Variants in GTF3C1 observed in about 807,000 individuals in gnomAD.
GTF3C1 encodes the protein general transcription factor IIIC subunit 1.
GTF3C1 carries 57 observed loss-of-function variants against 226.7 expected under a neutral mutation model. The observed-to-expected ratio is 0.25, with a 90% CI of 0.20 to 0.31. GTF3C1 has a LOEUF of 0.31. Among genes scored for constraint, GTF3C1 ranks in the 10% least tolerant of loss-of-function variants. GTF3C1 has a pLI of 1.00. For synonymous variants in GTF3C1, 1,090 were observed against 1,084.8 expected, an observed-to-expected ratio of 1.00 and a Z score of -0.09; for missense variants, 2,217 against 2,776.1, an observed-to-expected ratio of 0.80 and a Z score of 4.53.
Position 27,489,652 on chromosome 16 carries a change from G to A in GTF3C1, c.3243C>T (p.Ala1081=). The A allele has an allele frequency of 6.2e-7, 1 of 1,611,572 alleles. No homozygotes were observed. Among genetic ancestry groups the A allele is most frequent in the Non-Finnish European group, 8.5e-7 (1 of 1,179,354 alleles). The change falls in exon 20 of 37, where the codon GCC becomes GCT. Residue 1081 remains alanine (A), a synonymous_variant. Coordinates refer to ENST00000356183, the MANE Select transcript of GTF3C1 (RefSeq NM_001520.4). ...EGSLQKEQES[A]MDKHNLERKC... is the part of the protein sequence containing the mutation. ...TGCGCTCCAGGTTGTGCTTGTCCAT[G>A]GCGCTCTCCTGCTCCTTCTGCAGGC...
At chr16:27,485,786 T>C (rs2088129418) in intron 24 of GTF3C1, among the ~76,000 whole-genome samples, 1 of 152,216 alleles carries the variant, frequency 6.6e-6, no homozygotes, top group African/African-American at 2.4e-5. Flanking sequence ...CAGTGAGCTG[T>C]GATCGTGCCA....
chr16:27,538,969 TATACACACAC>T (rs1182088985), intron 2 of GTF3C1, among the ~76,000 whole-genome samples: 2 of 128,850 alleles, frequency 1.6e-5, no homozygotes, highest in Non-Finnish European at 3.2e-5. Context: ...TATACACACA[TATACACACAC>T]ACACACACAC....
intron 6 of GTF3C1, among the ~76,000 whole-genome samples, chr16:27,527,076 G>A (rs1444643942): frequency 6.6e-6 from 1 of 152,206 alleles, no homozygotes; most frequent in African/African-American, 2.4e-5. Flanking sequence ...GCATGGTAGG[G>A]TTTGCCTGTA....
At chr16:27,487,390 A>T (rs1243171538) in intron 23 of GTF3C1, among the ~76,000 whole-genome samples, 2 of 152,238 alleles carry the variant, frequency 1.3e-5, no homozygotes, top group Admixed American at 6.5e-5. Flanking sequence ...AAGTGGTCTA[A>T]AAACTAGACA....
At chr16:27,487,650 G>A (rs903682344) in intron 23 of GTF3C1, among the ~76,000 whole-genome samples, 6 of 152,112 alleles carry the variant, frequency 3.9e-5, no homozygotes, top group Non-Finnish European at 7.3e-5. Flanking sequence ...AAAATTAACC[G>A]GGTGTGGTGG....
rs780498072 is a variant in GTF3C1 at position 27,488,179 on chromosome 16, G to A, written c.3700+48C>T. 3.2e-6 allele frequency: 5 copies of A among 1,548,760 alleles called. No individual in the cohort carries two copies. The South Asian group carries it at 5.9e-5, about 18-fold the overall frequency. ...GAGTGAGGCTGTCGCACATCTCCAA[G>A]CCAAAACAAAGACAAGGCCCAGTAA... On this transcript the variant is annotated intron_variant, in intron 23 of 36. Coordinates refer to ENST00000356183, the MANE Select transcript of GTF3C1 (RefSeq NM_001520.4).
chr16:27,545,538 ACAAATAT>A lies in GTF3C1; in HGVS notation c.222-22_222-16del. 1 of 1,468,588 alleles carries A rather than the reference ACAAATAT, an allele frequency of 6.8e-7. No individual in the cohort carries two copies. Among genetic ancestry groups the A allele is most frequent in the East Asian group, 2.3e-5 (1 of 44,166 alleles). The allele number at this position is 1,468,588 out of a possible 1,614,324, so 91.0% of individuals were successfully genotyped here. A position where few individuals can be genotyped will look rare whatever the true frequency, so the allele number is the denominator to read the frequency against. On this transcript the variant is annotated splice_polypyrimidine_tract_variant and intron_variant, in intron 1 of 36. Coordinates refer to ENST00000356183, the MANE Select transcript of GTF3C1 (RefSeq NM_001520.4). The stretch of plus-strand genomic sequence containing the variant: ...TTTCTTCATACCTAAGGAGAAAAAC[ACAAATAT>A]CAAAGCCCAACTCAGCTTCAGATAT...
chr16:27,549,027 G>A (rs1441271422), intron 1 of GTF3C1, among the ~76,000 whole-genome samples: 1 of 152,114 alleles, frequency 6.6e-6, no homozygotes, highest in African/African-American at 2.4e-5. Flanking sequence ...GGTGGAACAT[G>A]CCTGTAATCC....
At chr16:27,540,636 G>A (rs2089067933) in intron 2 of GTF3C1, among the ~76,000 whole-genome samples, 1 of 152,116 alleles carries the variant, frequency 6.6e-6, no homozygotes, top group Non-Finnish European at 1.5e-5. Flanking sequence ...AATAAAAATA[G>A]TTTCTACCTT....
Position 27,497,800 on chromosome 16 carries a change from T to A in GTF3C1, c.2187A>T (p.Pro729=). ...TANRVKTSQP[P]VPQGEAEEDS... The stretch of plus-strand genomic sequence containing the variant: ...CTTCTTCTGCCTCCCCTTGGGGCAC[T>A]GGAGGCTGGGAAGTTTTAACCCTGC... Residue 729 remains proline (P), a synonymous_variant, in exon 14 of 37, where the codon CCA becomes CCT. Coordinates refer to ENST00000356183, the MANE Select transcript of GTF3C1 (RefSeq NM_001520.4). 6.2e-7 allele frequency: 1 copy of A among 1,613,152 alleles called. No homozygotes were observed. Among genetic ancestry groups the A allele is most frequent in the Non-Finnish European group, 8.5e-7 (1 of 1,179,600 alleles).
intron 2 of GTF3C1, among the ~76,000 whole-genome samples, chr16:27,543,552 G>C (rs2089120364): frequency 6.6e-6 from 1 of 152,066 alleles, no homozygotes. Context: ...ACTATGCCCA[G>C]CTAGTTTTTT....
intron 4 of GTF3C1, among the ~76,000 whole-genome samples, chr16:27,533,953 C>T (rs973120015): frequency 1.3e-5 from 2 of 152,156 alleles, no homozygotes; most frequent in Admixed American, 6.5e-5. Flanking sequence ...TTGCAGTGAG[C>T]CGAGATTGCA....
At position 27,496,713 on chromosome 16, in the gene GTF3C1, C is replaced by G. The variant is rs185519888; in HGVS notation, c.2350+924G>C. ...GCCACCATACCCAGCCATCTCAGTTCTTTTAAAGGGGCTTATTTCTTTGTT... is the reference window on the plus strand; with the variant it reads ...GCCACCATACCCAGCCATCTCAGTTGTTTTAAAGGGGCTTATTTCTTTGTT... On this transcript the variant is annotated intron_variant, in intron 14 of 36. Transcript: ENST00000356183. Among the ~76,000 whole-genome samples the G allele has an allele frequency of 1.8e-3, 280 of 152,278 alleles. 2 individuals are homozygous for G. Among genetic ancestry groups the G allele is most frequent in the Middle Eastern group, 0.017 (5 of 294 alleles).
chr16:27,534,516 C>G (rs1023656876), intron 4 of GTF3C1, among the ~76,000 whole-genome samples: 7 of 152,226 alleles, frequency 4.6e-5, no homozygotes, highest in Admixed American at 4.6e-4. Context: ...ATGAGCCACT[C>G]TGCATAGAAG....
At chr16:27,534,538 C>A (rs1308536728) in intron 4 of GTF3C1, among the ~76,000 whole-genome samples, 1 of 152,224 alleles carries the variant, frequency 6.6e-6, no homozygotes, top group Admixed American at 6.5e-5. Context: ...CACTGTGTCA[C>A]AGCCATTTAA....
chr16:27,470,513 C>A lies in GTF3C1; in HGVS notation c.4527-118G>T. ...GAGAACTAAGCAAAACGCCCCACTTCTTCCCTAAAGCTCTCTGTCCCATCC... is the reference window on the plus strand; with the variant it reads ...GAGAACTAAGCAAAACGCCCCACTTATTCCCTAAAGCTCTCTGTCCCATCC... On this transcript the variant is annotated intron_variant, in intron 30 of 36. Transcript: ENST00000356183. This position sits in a 1 kb window ranked among gnomAD's most constrained non-coding sequence, Gnocchi z 4.9. 1.3e-6 allele frequency: 1 copy of A among 776,150 alleles called. No individual in the cohort carries two copies. Among genetic ancestry groups the A allele is most frequent in the Non-Finnish European group, 2.1e-6 (1 of 468,662 alleles). 48.1% of individuals were successfully genotyped at this position (776,150 alleles called of 1,614,324 possible).
chr16:27,548,932 T>C (rs867489474), intron 1 of GTF3C1, among the ~76,000 whole-genome samples: 2 of 152,112 alleles, frequency 1.3e-5, no homozygotes, highest in South Asian at 2.1e-4. Flanking sequence ...GAGGTGCGGA[T>C]TGTCTGAGGT....
intron 4 of GTF3C1, 54 bp downstream of exon 4, chr16:27,537,730 A>G: frequency 7.4e-7 from 1 of 1,348,830 alleles, no homozygotes; most frequent in Non-Finnish European, 1.0e-6. Context: ...TTTAAAGCAT[A>G]CTACACATGG....
In GTF3C1 at chr16:27,501,242, A is replaced by T; in HGVS notation, c.2010T>A (p.Gly670=). 1 of 1,614,076 alleles carries T rather than the reference A, an allele frequency of 6.2e-7. No individual in the cohort carries two copies. Among genetic ancestry groups the T allele is most frequent in the African/African-American group, 1.3e-5 (1 of 75,022 alleles). Residue 670 remains glycine (G), a synonymous_variant, in exon 12 of 37, where the codon GGT becomes GGA. Coordinates refer to ENST00000356183, the MANE Select transcript of GTF3C1 (RefSeq NM_001520.4). ...VRLVRNLSEE[G]LLRLYRTTVI... The stretch of plus-strand genomic sequence containing the variant: ...CAGTGGTCCGATACAATCGCAAGAG[A>T]CCTTCCTCAGACAGGTTCCGCACCA...
Sources: allele counts gnomAD v4.1 joint callset (sites outside exome capture counted in the v4.1 genomes callset), GRCh38; gene constraint gnomAD v4.1.1; non-coding constraint Gnocchi (gnomAD v3.1); transcripts MANE v1.5; gene names NCBI Gene and HGNC (gene_info 2026-07-23, HGNC 2026-07-21).